The following CSMD3 variants were observed in gnomAD, a reference collection of about 807,000 sequenced individuals.
CSMD3 encodes CUB and sushi domain-containing protein 3.
Under a neutral mutation model 435.2 loss-of-function variants are expected in CSMD3, and 177 were observed. The observed-to-expected ratio is 0.41, with a 90% CI of 0.36 to 0.46. CSMD3 has a LOEUF of 0.46. Ranked by LOEUF, CSMD3 falls within the 20% of genes least tolerant of loss-of-function variation. CSMD3 has a pLI of 0.34. For missense variants in CSMD3, 4,265 were observed against 4,504.6 expected, an observed-to-expected ratio of 0.95 and a Z score of 1.52; for synonymous variants, 1,656 against 1,520.5, an observed-to-expected ratio of 1.09 and a Z score of -2.07.
intron 4 of CSMD3, among the ~76,000 whole-genome samples, chr8:113,128,920 T>C (rs1055793855): frequency 2.6e-5 from 4 of 152,148 alleles, no homozygotes; most frequent in African/African-American, 4.8e-5. Flanking sequence ...GGTAGTATGA[T>C]ACTTTATCAA....
At chr8:112,308,681 T>C (rs1428396743) in intron 50 of CSMD3, among the ~76,000 whole-genome samples, 1 of 152,022 alleles carries the variant, frequency 6.6e-6, no homozygotes, top group African/African-American at 2.4e-5. Flanking sequence ...TTCATGAGGA[T>C]TGTTCAATTT....
chr8:113,033,569 ATTT>A (rs1285513451), intron 5 of CSMD3, among the ~76,000 whole-genome samples: 7 of 106,800 alleles, frequency 6.6e-5, no homozygotes, highest in Admixed American at 9.3e-5. Context: ...TTTGATTTTG[ATTT>A]TTTTTTTTTT....
intron 11 of CSMD3, among the ~76,000 whole-genome samples, chr8:112,853,245 A>G (rs1164586350): frequency 1.3e-5 from 2 of 151,466 alleles, no homozygotes; most frequent in African/African-American, 4.9e-5. Flanking sequence ...TTTTTCCTTG[A>G]GATGGAGTCT....
chr8:112,807,548 T>C (rs1649629981), intron 12 of CSMD3, among the ~76,000 whole-genome samples: 1 of 151,362 alleles, frequency 6.6e-6, no homozygotes, highest in South Asian at 2.1e-4. Flanking sequence ...AGGAAATACA[T>C]GTTTGGTGTC....
At chr8:112,281,555 C>T (rs1012869946) in intron 58 of CSMD3, among the ~76,000 whole-genome samples, 1 of 152,094 alleles carries the variant, frequency 6.6e-6, no homozygotes, top group African/African-American at 2.4e-5. Context: ...CAAATTATAA[C>T]ATTTTCTTAA....
intron 5 of CSMD3, among the ~76,000 whole-genome samples, chr8:113,051,303 A>G (rs2088079989): frequency 6.6e-6 from 1 of 152,060 alleles, no homozygotes; most frequent in African/African-American, 2.4e-5. Context: ...ATTGTCCATT[A>G]TAATTGCCAA....
At position 112,865,104 on chromosome 8, in the gene CSMD3, C is replaced by G. The variant is rs77331054; in HGVS notation, c.1634-5838G>C. On this transcript the variant is annotated intron_variant, in intron 10 of 70. Transcript: ENST00000297405. ...TCCTAGCTTGTCTACCAATGTATTC[C>G]TATTTTTTCCTCAGGTAAAACACAT... Among the ~76,000 whole-genome samples, 418 of 152,232 alleles carry G rather than the reference C, an allele frequency of 2.7e-3. 6 individuals carry two copies. Among genetic ancestry groups the G allele is most frequent in the African/African-American group, 9.5e-3 (396 of 41,540 alleles).
intron 3 of CSMD3, among the ~76,000 whole-genome samples, chr8:113,276,257 G>A (rs184698993): frequency 2.6e-4 from 39 of 152,158 alleles, no homozygotes; most frequent in African/African-American, 6.7e-4. Context: ...TTTATGATGC[G>A]GAGATTAGCA....
At chr8:112,564,363 C>A (rs1031461537) in intron 24 of CSMD3, among the ~76,000 whole-genome samples, 13 of 149,886 alleles carry the variant, frequency 8.7e-5, no homozygotes, top group Middle Eastern at 3.4e-3. Flanking sequence ...TCTCCCCTCC[C>A]TTCTCCCTTC....
intron 4 of CSMD3, among the ~76,000 whole-genome samples, chr8:113,105,400 C>T (rs1241180145): frequency 6.6e-6 from 1 of 152,018 alleles, no homozygotes; most frequent in East Asian, 1.9e-4. Flanking sequence ...GAAGCATGAG[C>T]AATGGAATGT....
At chr8:112,439,988 C>T (rs1177677773) in intron 32 of CSMD3, among the ~76,000 whole-genome samples, 1 of 152,138 alleles carries the variant, frequency 6.6e-6, no homozygotes, top group African/African-American at 2.4e-5. Flanking sequence ...CATGTCCTCA[C>T]ATTTGGAATA....
chr8:112,728,695 T>C (rs759296215), intron 13 of CSMD3, among the ~76,000 whole-genome samples: 4 of 152,038 alleles, frequency 2.6e-5, no homozygotes, highest in African/African-American at 4.8e-5. Flanking sequence ...GTTTCTGAAC[T>C]CCATTGAGGA....
At chr8:112,494,528 T>G (rs1011258031) in intron 30 of CSMD3, among the ~76,000 whole-genome samples, 1 of 140,590 alleles carries the variant, frequency 7.1e-6, no homozygotes. Flanking sequence ...TCTTTCTTTC[T>G]TTCTTTCTTT....
intron 13 of CSMD3, among the ~76,000 whole-genome samples, chr8:112,790,699 G>A (rs1252089755): frequency 6.6e-6 from 1 of 152,106 alleles, no homozygotes; most frequent in Non-Finnish European, 1.5e-5. Flanking sequence ...ACTCTGCAGA[G>A]TATAACCACT....
intron 36 of CSMD3, among the ~76,000 whole-genome samples, chr8:112,389,631 C>G (rs1398702739): frequency 6.6e-6 from 1 of 152,066 alleles, no homozygotes; most frequent in Non-Finnish European, 1.5e-5. Context: ...ATTTTTTTTA[C>G]TAAAAATTAT....
At chr8:112,391,690 T>A (rs1257341384) in intron 35 of CSMD3, among the ~76,000 whole-genome samples, 6 of 109,636 alleles carry the variant, frequency 5.5e-5, no homozygotes, top group Non-Finnish European at 1.3e-4. Context: ...AGACTCCATC[T>A]CAAAAAAAAA....
At chr8:112,409,074 A>G in intron 32 of CSMD3, 42 bp from the exon 33 acceptor site, 1 of 1,612,626 alleles carries the variant, frequency 6.2e-7, no homozygotes, top group South Asian at 1.1e-5. Context: ...ATCACCAACC[A>G]TCCAAAAACG....
At chr8:113,427,297 A>T (rs2094641574) in intron 1 of CSMD3, among the ~76,000 whole-genome samples, 1 of 151,370 alleles carries the variant, frequency 6.6e-6, no homozygotes, top group South Asian at 2.1e-4. Flanking sequence ...TATTCCCCCC[A>T]GTTAATCCTT....
intron 7 of CSMD3, among the ~76,000 whole-genome samples, chr8:112,957,012 A>G (rs548475345): frequency 1.9e-4 from 29 of 152,296 alleles, no homozygotes; most frequent in Admixed American, 3.9e-4. Flanking sequence ...GTTAAACAGA[A>G]GACAAATATT....
Sources: allele counts gnomAD v4.1 joint callset (sites outside exome capture counted in the v4.1 genomes callset), GRCh38; gene constraint gnomAD v4.1.1; transcripts MANE v1.5; gene names NCBI Gene and HGNC (gene_info 2026-07-23, HGNC 2026-07-21).